The following CRYZL1 variants were observed in gnomAD, a reference collection of about 807,000 sequenced individuals.
CRYZL1 encodes ferry endosomal RAB5 effector complex subunit 4.
In CRYZL1, 34 loss-of-function variants were observed where a neutral mutation model predicts 50.6. That is an observed-to-expected ratio of 0.67 (90% CI 0.51 to 0.89). The LOEUF (loss-of-function observed/expected upper bound fraction) is 0.89. Among genes scored for constraint, CRYZL1 ranks in the 40% least tolerant of loss-of-function variants. The pLI is 0.00. For missense variants in CRYZL1, 354 were observed against 402.3 expected (o/e 0.88, Z 1.03); for synonymous variants, 125 against 134.3 (o/e 0.93, Z 0.48).
rs115168233 is a variant in CRYZL1 at position 33,630,834 on chromosome 21, C to T, written c.66+652G>A. The stretch of plus-strand genomic sequence containing the variant: ...AGCCATAAAAAGAGTAAAATCCTGT[C>T]ATTTGTGAAAATGTGGATGAATCTT... On this transcript the variant is annotated intron_variant, in intron 2 of 12. Transcript: ENST00000381554. Among the ~76,000 whole-genome samples the T allele has an allele frequency of 6.2e-3, 940 of 152,262 alleles. 13 individuals are homozygous for T. The highest frequency in any genetic ancestry group is 0.021 in the African/African-American group (872 of 41,534).
intron 6 of CRYZL1, among the ~76,000 whole-genome samples, chr21:33,605,527 A>ATTGTTTTTTTTTTTTT (rs1555904645): frequency 6.7e-5 from 1 of 14,840 alleles, no homozygotes; most frequent in Non-Finnish European, 1.1e-4. Context: ...CAGTACAAGA[A>ATTGTTTTTTTTTTTTT]TTCTTTTTTT....
At chr21:33,592,030 A>G (rs1290705150) in intron 11 of CRYZL1, among the ~76,000 whole-genome samples, 1 of 151,942 alleles carries the variant, frequency 6.6e-6, no homozygotes, top group Non-Finnish European at 1.5e-5. Flanking sequence ...TCCATTATAC[A>G]TTAAGTCATC....
intron 11 of CRYZL1, 58 bp from the exon 12 acceptor site, chr21:33,591,265 A>C: frequency 7.2e-7 from 1 of 1,395,724 alleles, no homozygotes; most frequent in South Asian, 1.2e-5. Context: ...AAACCATTCA[A>C]TAAGCAGAGG....
chr21:33,628,511 C>T (rs1243562931), intron 2 of CRYZL1, among the ~76,000 whole-genome samples: 1 of 151,852 alleles, frequency 6.6e-6, no homozygotes, highest in Non-Finnish European at 1.5e-5. Context: ...TAGTTTTCAT[C>T]GTAGAGATAT....
chr21:33,614,272 G>A (rs2086904131), intron 5 of CRYZL1, among the ~76,000 whole-genome samples: 1 of 151,978 alleles, frequency 6.6e-6, no homozygotes, highest in South Asian at 2.1e-4. Flanking sequence ...ATTGCTTGAG[G>A]CCAGGAGTTC....
chr21:33,631,417 C>A (rs2087135725), intron 2 of CRYZL1, 69 bp downstream of exon 2: 1 of 1,124,598 alleles, frequency 8.9e-7, no homozygotes, highest in Non-Finnish European at 1.2e-6. Flanking sequence ...AAAATAACGT[C>A]ATTTAAAAGT....
intron 4 of CRYZL1, among the ~76,000 whole-genome samples, chr21:33,617,595 G>A (rs2086948413): frequency 6.6e-6 from 1 of 152,088 alleles, no homozygotes; most frequent in African/African-American, 2.4e-5. Context: ...AGCAATTCCT[G>A]TCCCTTTTAA....
intron 10 of CRYZL1, among the ~76,000 whole-genome samples, chr21:33,596,699 C>T (rs973415111): frequency 1.3e-5 from 2 of 151,398 alleles, no homozygotes; most frequent in Admixed American, 1.3e-4. Context: ...GTCTAAATCA[C>T]TAAATAAAAT....
chr21:33,619,980 T>C (rs2086975399), intron 4 of CRYZL1, among the ~76,000 whole-genome samples: 1 of 152,256 alleles, frequency 6.6e-6, no homozygotes, highest in Admixed American at 6.5e-5. Flanking sequence ...ATGTGTATAT[T>C]TGTCTCTCCC....
chr21:33,637,069 A>G (rs911738402), intron 1 of CRYZL1, among the ~76,000 whole-genome samples: 5 of 152,224 alleles, frequency 3.3e-5, no homozygotes, highest in African/African-American at 4.8e-5. Context: ...TTTGAGCATC[A>G]GACCAACTTC....
chr21:33,611,683 T>C (rs1489647217), intron 6 of CRYZL1, among the ~76,000 whole-genome samples: 1 of 152,204 alleles, frequency 6.6e-6, no homozygotes, highest in Non-Finnish European at 1.5e-5. Context: ...CTACTATGGA[T>C]ATGGTATGAA....
chr21:33,634,181 G>C lies in CRYZL1; in HGVS notation c.-6-2624C>G, dbSNP rs543676892. On this transcript the variant is annotated intron_variant, in intron 1 of 12. Transcript: ENST00000381554. The stretch of plus-strand genomic sequence containing the variant: ...AGAAGGTCTTTGTGTCAATGTTTTT[G>C]TTTGGGGGCTGGGGAGAACCGAAGC... Among the ~76,000 whole-genome samples the C allele has an allele frequency of 9.5e-4, 145 of 152,232 alleles. 2 individuals carry two copies. The highest frequency in any genetic ancestry group is 6.4e-3 in the South Asian group (31 of 4,828).
intron 1 of CRYZL1, among the ~76,000 whole-genome samples, chr21:33,639,057 G>A (rs1420082806): frequency 1.3e-5 from 2 of 152,208 alleles, no homozygotes; most frequent in Admixed American, 6.5e-5. Flanking sequence ...AGATAAAGGA[G>A]CAGAAAAGGA....
At chr21:33,641,552 C>A (rs1004049184) in intron 1 of CRYZL1, 129 bp downstream of exon 1, 2 of 403,016 alleles carry the variant, frequency 5.0e-6, no homozygotes, top group African/African-American at 2.0e-5. Context: ...TGGGCCCGAA[C>A]AAGTCCCAGG....
chr21:33,627,702 T>A (rs1327777183), intron 2 of CRYZL1, among the ~76,000 whole-genome samples: 1 of 151,062 alleles, frequency 6.6e-6, no homozygotes, highest in Non-Finnish European at 1.5e-5. Flanking sequence ...TGGAAAATAA[T>A]ATCTTTCTAC....
At chr21:33,604,079 C>T (rs141462891) in intron 6 of CRYZL1, among the ~76,000 whole-genome samples, 3,185 of 150,734 alleles carry the variant, frequency 0.021, 46 homozygotes, top group Non-Finnish European at 0.029. Context: ...GGTGAAACCC[C>T]GTCTCTGGCC....
chr21:33,624,693 A>G lies in CRYZL1; in HGVS notation c.134T>C (p.Ile45Thr). 6.2e-7 allele frequency: 1 copy of G among 1,606,296 alleles called. No individual in the cohort carries two copies. Among genetic ancestry groups the G allele is most frequent in the Middle Eastern group, 1.7e-4 (1 of 6,028 alleles). Residue 45 changes from isoleucine (I) to threonine (T), a missense_variant, in exon 3 of 13, where the codon ATA becomes ACA. Coordinates refer to ENST00000381554, the MANE Select transcript of CRYZL1 (RefSeq NM_145858.3). The stretch of plus-strand genomic sequence containing the variant: ...TAAAAGAACCAATACCTTTGTATTT[A>G]TCTGGCTCAGAGCACAAGCTTTAAC... ...LQVKACALSQ[I>T]NTKLLAEMKM...
At chr21:33,636,402 A>C (rs1036861428) in intron 1 of CRYZL1, among the ~76,000 whole-genome samples, 4 of 152,210 alleles carry the variant, frequency 2.6e-5, no homozygotes, top group African/African-American at 9.6e-5. Flanking sequence ...AAACCTGTTT[A>C]AAAATGTAGG....
chr21:33,641,148 C>G, intron 1 of CRYZL1: 1 of 1,549,444 alleles, frequency 6.5e-7, no homozygotes, highest in Non-Finnish European at 8.7e-7. Flanking sequence ...TGTTCGGCCC[C>G]GACCCAGACC....
Sources: allele counts gnomAD v4.1 joint callset (sites outside exome capture counted in the v4.1 genomes callset), GRCh38; gene constraint gnomAD v4.1.1; transcripts MANE v1.5; gene names NCBI Gene and HGNC (gene_info 2026-07-23, HGNC 2026-07-21).